CDH13: variants seen among roughly 807,000 people sequenced by gnomAD.
CDH13 encodes cadherin 13.
CDH13 carries 24 observed loss-of-function variants against 63.8 expected under a neutral mutation model. The observed-to-expected ratio is 0.38, with a 90% CI of 0.27 to 0.53. The LOEUF (loss-of-function observed/expected upper bound fraction) is 0.53. Among genes scored for constraint, CDH13 ranks in the 20% least tolerant of loss-of-function variants. The pLI, the probability that CDH13 is intolerant of heterozygous loss-of-function variation, is 0.85. For missense variants in CDH13, 1,049 were observed against 903.1 expected (o/e 1.16, Z -2.07); for synonymous variants, 503 against 355.3 (o/e 1.42, Z -4.67).
chr16:83,538,726 G>T (rs1354942972), intron 7 of CDH13, among the ~76,000 whole-genome samples: 1 of 152,170 alleles, frequency 6.6e-6, no homozygotes, highest in East Asian at 1.9e-4. Flanking sequence ...AAGAGACAAG[G>T]TTGGAAGGAA....
chr16:83,372,372 G>A (rs1462923355), intron 6 of CDH13, among the ~76,000 whole-genome samples: 1 of 152,094 alleles, frequency 6.6e-6, no homozygotes, highest in Non-Finnish European at 1.5e-5. Flanking sequence ...ATGGTACTTG[G>A]CATAAGGACG....
At chr16:83,302,291 C>T (rs997347621) in intron 5 of CDH13, among the ~76,000 whole-genome samples, 1 of 152,164 alleles carries the variant, frequency 6.6e-6, no homozygotes, top group African/African-American at 2.4e-5. Context: ...CCTGTTGCTT[C>T]AGTTTTCTAA....
At chr16:83,779,938 G>T in intron 11 of CDH13, 30 bp from the exon 12 acceptor site, 1 of 1,484,290 alleles carries the variant, frequency 6.7e-7, no homozygotes, top group Non-Finnish European at 9.4e-7. Context: ...TATACCAGTT[G>T]CATACCAACA....
At chr16:83,709,181 A>G (rs191396473) in intron 10 of CDH13, among the ~76,000 whole-genome samples, 5 of 152,340 alleles carry the variant, frequency 3.3e-5, no homozygotes, top group African/African-American at 1.2e-4. Context: ...TAGATTCTGG[A>G]AAGAGCAAAG....
At chr16:83,694,178 A>G (rs1905158180) in intron 10 of CDH13, among the ~76,000 whole-genome samples, 1 of 152,196 alleles carries the variant, frequency 6.6e-6, no homozygotes, top group African/African-American at 2.4e-5. Flanking sequence ...AAGGGGAGGG[A>G]AGGAGGGATT....
chr16:82,909,807 A>C (rs1166893323), intron 2 of CDH13, among the ~76,000 whole-genome samples: 4 of 152,204 alleles, frequency 2.6e-5, no homozygotes, highest in African/African-American at 9.6e-5. Context: ...GGACACAGCC[A>C]AACGATATCA....
At chr16:83,694,102 C>T (rs1010354551) in intron 10 of CDH13, among the ~76,000 whole-genome samples, 3 of 152,162 alleles carry the variant, frequency 2.0e-5, no homozygotes, top group Non-Finnish European at 2.9e-5. Flanking sequence ...TGACATTAGG[C>T]ATCACAGAAT....
intron 8 of CDH13, among the ~76,000 whole-genome samples, chr16:83,656,034 AC>A (rs1912838340): frequency 6.6e-6 from 1 of 152,158 alleles, no homozygotes; most frequent in Non-Finnish European, 1.5e-5. Context: ...TAAGGCTGGA[AC>A]TTTTTCATCA....
chr16:82,770,020 C>A (rs1276253766), intron 1 of CDH13, among the ~76,000 whole-genome samples: 1 of 152,170 alleles, frequency 6.6e-6, no homozygotes, highest in Non-Finnish European at 1.5e-5. Flanking sequence ...TGTACCGTAC[C>A]ACCCAGCTGC....
intron 2 of CDH13, among the ~76,000 whole-genome samples, chr16:82,909,387 T>C (rs1024317457): frequency 1.3e-5 from 2 of 152,098 alleles, no homozygotes; most frequent in Non-Finnish European, 2.9e-5. Context: ...ACAGGAATAC[T>C]ACTATATGAA....
intron 3 of CDH13, among the ~76,000 whole-genome samples, chr16:83,092,728 C>G (rs2033978955): frequency 6.6e-6 from 1 of 152,098 alleles, no homozygotes; most frequent in Non-Finnish European, 1.5e-5. Flanking sequence ...CAGGTTTTCC[C>G]AAATACACCT....
At chr16:83,653,361 A>G (rs140148685) in intron 8 of CDH13, among the ~76,000 whole-genome samples, 59 of 152,324 alleles carry the variant, frequency 3.9e-4, no homozygotes, top group Middle Eastern at 3.4e-3. Flanking sequence ...CACCATGTCT[A>G]AAGACTATAG....
intron 3 of CDH13, among the ~76,000 whole-genome samples, chr16:83,122,960 T>G (rs1267981354): frequency 6.6e-6 from 1 of 152,114 alleles, no homozygotes; most frequent in East Asian, 1.9e-4. Flanking sequence ...CCCCACTGTC[T>G]CTTATTCCAC....
intron 2 of CDH13, among the ~76,000 whole-genome samples, chr16:83,003,652 A>G (rs1047549194): frequency 6.6e-6 from 1 of 152,216 alleles, no homozygotes; most frequent in Admixed American, 6.5e-5. Flanking sequence ...GAAAGCAGTA[A>G]TGGAGAGACA....
intron 1 of CDH13, among the ~76,000 whole-genome samples, chr16:82,785,651 A>C (rs1006587393): frequency 6.6e-6 from 1 of 152,198 alleles, no homozygotes; most frequent in Non-Finnish European, 1.5e-5. Context: ...ATAATCAGTA[A>C]AACCACCCAT....
intron 5 of CDH13, among the ~76,000 whole-genome samples, chr16:83,328,873 T>C (rs143125442): frequency 6.6e-6 from 1 of 152,112 alleles, no homozygotes; most frequent in African/African-American, 2.4e-5. Flanking sequence ...AAGGGGAAAA[T>C]GGAGCTCCAC....
chr16:82,974,644 A>G (rs1909242428), intron 2 of CDH13, among the ~76,000 whole-genome samples: 1 of 152,170 alleles, frequency 6.6e-6, no homozygotes, highest in Admixed American at 6.5e-5. Context: ...TGGGCCCAGT[A>G]TAATCACAAG....
chr16:83,367,963 G>T (rs1012058956), intron 6 of CDH13, among the ~76,000 whole-genome samples: 5 of 152,120 alleles, frequency 3.3e-5, no homozygotes, highest in Admixed American at 6.5e-5. Flanking sequence ...CTTCAACAAT[G>T]TTTTATAGTT....
At chr16:83,720,706 TG>T (rs1462046223) in intron 10 of CDH13, among the ~76,000 whole-genome samples, 5 of 152,214 alleles carry the variant, frequency 3.3e-5, no homozygotes, top group Admixed American at 6.5e-5. Flanking sequence ...CACGCTCCAC[TG>T]GCTTCCATAC....
Sources: allele counts gnomAD v4.1 joint callset (sites outside exome capture counted in the v4.1 genomes callset), GRCh38; gene constraint gnomAD v4.1.1; transcripts MANE v1.5; gene names NCBI Gene and HGNC (gene_info 2026-07-23, HGNC 2026-07-21).